Variants in EP400 observed in about 807,000 individuals in gnomAD.
EP400 encodes the protein E1A-binding protein p400.
Under a neutral mutation model 354.1 loss-of-function variants are expected in EP400, and 105 were observed. That is an observed-to-expected ratio of 0.30 (90% CI 0.25 to 0.35). The LOEUF is 0.35. Among genes scored for constraint, EP400 ranks in the 10% least tolerant of loss-of-function variants. EP400 has a pLI of 1.00. For synonymous variants in EP400, 1,646 were observed against 1,716.9 expected (o/e 0.96, Z 1.02); for missense variants, 3,280 against 4,121.0 (o/e 0.80, Z 5.59).
chr12:132,051,596 A>G lies in EP400; in HGVS notation c.7394+941A>G, dbSNP rs142280071. 7.1e-3 allele frequency among the ~76,000 whole-genome samples: 1,089 copies of G among 152,378 alleles called. 35 individuals carry two copies. In the South Asian group the frequency reaches 0.094, roughly 13 times the overall value. On this transcript the variant is annotated intron_variant, in intron 41 of 52. Transcript: ENST00000389561. The stretch of plus-strand genomic sequence containing the variant: ...ACATCTTACATTATTATTTCTGCTT[A>G]TCGGAGACTTTTAGTACTTTCACTA...
intron 52 of EP400, among the ~76,000 whole-genome samples, chr12:132,077,050 G>A (rs934645753): frequency 2.0e-5 from 3 of 152,186 alleles, no homozygotes; most frequent in Non-Finnish European, 4.4e-5. Flanking sequence ...AATGTAAAGC[G>A]GTGCTTTAAA....
Position 132,077,757 on chromosome 12 carries a change from T to C in EP400, c.*84T>C, listed in dbSNP as rs1314013719. 3 of 1,427,596 alleles carry C rather than the reference T, an allele frequency of 2.1e-6. No homozygotes were observed. The highest frequency in any genetic ancestry group is 2.8e-6 in the Non-Finnish European group (3 of 1,077,808). 88.4% of individuals were successfully genotyped at this position (1,427,596 alleles called of 1,614,324 possible). A position where few individuals can be genotyped will look rare whatever the true frequency, so the allele number is the denominator to read the frequency against. ...TTTATTAGTGAACCTTGGGACCATGTCACGCAAGAGATTCAGCACTGGGAA... is the reference window on the plus strand; with the variant it reads ...TTTATTAGTGAACCTTGGGACCATGCCACGCAAGAGATTCAGCACTGGGAA... On this transcript the variant is annotated 3_prime_UTR_variant, in exon 53 of 53. Transcript: ENST00000389561.
At chr12:131,954,800 G>A (rs938836162) in intron 1 of EP400, among the ~76,000 whole-genome samples, 36 of 152,144 alleles carry the variant, frequency 2.4e-4, no homozygotes, top group African/African-American at 8.7e-4. Context: ...GGCTGAGGTG[G>A]GAGGATTGCT....
chr12:132,034,039 G>A (rs1237969909), intron 30 of EP400, among the ~76,000 whole-genome samples: 1 of 152,226 alleles, frequency 6.6e-6, no homozygotes, highest in South Asian at 2.1e-4. Flanking sequence ...TCTGCTTCTT[G>A]AAGAAGGCTC....
At position 132,067,764 on chromosome 12, in the gene EP400, G is replaced by GT. The variant is rs1422940536; in HGVS notation, c.8874+278_8874+279insT. Among the ~76,000 whole-genome samples the GT allele has an allele frequency of 6.6e-6, 1 of 151,716 alleles. No individual in the cohort carries two copies. Among genetic ancestry groups the GT allele is most frequent in the Non-Finnish European group, 1.5e-5 (1 of 67,916 alleles). On this transcript the variant is annotated intron_variant, in intron 50 of 52. Coordinates refer to ENST00000389561, the MANE Select transcript of EP400 (RefSeq NM_015409.5). The surrounding 1 kb of genome is among the most constrained non-coding windows in gnomAD (Gnocchi z 5.3). The stretch of plus-strand genomic sequence containing the variant: ...TGGCTGGGTGCCAGGTAAGAAGCCT[G>GT]CATGGCATTGGGACAGACACAGGGG...
intron 51 of EP400, among the ~76,000 whole-genome samples, chr12:132,072,902 T>C (rs1221874194): frequency 1.3e-5 from 2 of 152,244 alleles, no homozygotes; most frequent in Non-Finnish European, 2.9e-5. Flanking sequence ...TTCAGTAATA[T>C]CTCTGGTCTT....
intron 51 of EP400, among the ~76,000 whole-genome samples, chr12:132,072,322 A>G (rs891802797): frequency 2.0e-5 from 3 of 152,212 alleles, no homozygotes; most frequent in Non-Finnish European, 4.4e-5. Flanking sequence ...CTAACTTGTT[A>G]AGATGGAGTA....
At chr12:132,056,749 G>A (rs1321125948) in intron 45 of EP400, among the ~76,000 whole-genome samples, 4 of 152,282 alleles carry the variant, frequency 2.6e-5, no homozygotes, top group South Asian at 2.1e-4. Context: ...TACGTTAGGC[G>A]TCATCAAAAT....
rs1225581728 is a variant in EP400 at position 132,055,166 on chromosome 12, C to T, written c.7842C>T (p.Ile2614=). The change falls in exon 45 of 53, where the codon ATC becomes ATT. Residue 2614 remains isoleucine, a synonymous_variant. Coordinates refer to ENST00000389561, the MANE Select transcript of EP400 (RefSeq NM_015409.5). ...AGVPAATFQS[I]NKRLASPVAP... Reference sequence around the variant, plus strand: ...TCCCAGCTGCCACCTTCCAGTCCATCAACAAGCGCCTGGCGTCGCCAGTGG... The same window carrying T: ...TCCCAGCTGCCACCTTCCAGTCCATTAACAAGCGCCTGGCGTCGCCAGTGG... The T allele has an allele frequency of 6.3e-7, 1 of 1,595,140 alleles. No homozygotes were observed. The highest frequency in any genetic ancestry group is 8.5e-7 in the Non-Finnish European group (1 of 1,170,454).
In EP400 at chr12:132,037,986, C is replaced by G. The variant is rs149538454; in HGVS notation, c.6097C>G (p.Pro2033Ala). Residue 2033 changes from proline (P) to alanine (A), a missense_variant, in exon 32 of 53, where the codon CCC (proline) becomes GCC (alanine). Transcript: ENST00000389561. ...TIQELFEVYS[P>A]MDDAGFPVKA... The stretch of plus-strand genomic sequence containing the variant: ...CCAGGAGCTGTTTGAAGTTTATTCT[C>G]CCATGGATGATGCTGGCTTCCCGGT... 6.2e-7 allele frequency: 1 copy of G among 1,614,060 alleles called. No homozygotes were observed. The highest frequency in any genetic ancestry group is 8.5e-7 in the Non-Finnish European group (1 of 1,180,032).
intron 2 of EP400, among the ~76,000 whole-genome samples, chr12:131,967,820 C>T (rs1379943464): frequency 6.6e-6 from 1 of 151,916 alleles, no homozygotes; most frequent in Non-Finnish European, 1.5e-5. Flanking sequence ...TTGTTATTGT[C>T]AGTTTTCTTT....
Position 132,053,500 on chromosome 12 carries a change from C to G in EP400, c.7631C>G (p.Pro2544Arg). ...CCAGCAGGGCCACCAGCTGTCCAGC[C>G]CCAACCCCAGCCACAGCCCCAGACC... ...QPPAGPPAVQ[P>R]QPQPQPQTQP... Residue 2544 changes from proline to arginine, a missense_variant, in exon 43 of 53, where the codon CCC (proline) becomes CGC (arginine). This residue lies in a region of EP400 where 255 missense variants were observed against 295.9 expected (regional missense o/e 0.86). Transcript: ENST00000389561. 1 of 1,538,870 alleles carries G rather than the reference C, an allele frequency of 6.5e-7. No individual in the cohort carries two copies. Among genetic ancestry groups the G allele is most frequent in the African/African-American group, 1.4e-5 (1 of 73,248 alleles).
intron 1 of EP400, among the ~76,000 whole-genome samples, chr12:131,959,590 G>C (rs1348199179): frequency 6.6e-6 from 1 of 152,182 alleles, no homozygotes; most frequent in Non-Finnish European, 1.5e-5. Flanking sequence ...CAGCGTTTGG[G>C]TTACAGCTCC....
rs773852160 is a variant in EP400 at position 132,032,157 on chromosome 12, C to G, written c.5951+8C>G. ...AGACATCCACATATACAGGTGAGGGCCTGCGGGGGATAGGATCAGGAGATG... is the reference window on the plus strand; with the variant it reads ...AGACATCCACATATACAGGTGAGGGGCTGCGGGGGATAGGATCAGGAGATG... On this transcript the variant is annotated splice_region_variant and intron_variant, in intron 30 of 52. Coordinates refer to ENST00000389561, the MANE Select transcript of EP400 (RefSeq NM_015409.5). 8 of 1,608,498 alleles carry G rather than the reference C, an allele frequency of 5.0e-6. No individual in the cohort carries two copies. Among genetic ancestry groups the G allele is most frequent in the Non-Finnish European group, 1.7e-6 (2 of 1,176,396 alleles).
chr12:131,964,880 G>T (rs1447197082), intron 2 of EP400, among the ~76,000 whole-genome samples: 1 of 152,184 alleles, frequency 6.6e-6, no homozygotes, highest in African/African-American at 2.4e-5. Flanking sequence ...TTCATCTCTT[G>T]TCTCAAGGAT....
Position 132,066,837 on chromosome 12 carries a change from G to A in EP400, c.8617G>A (p.Ala2873Thr). The A allele has an allele frequency of 6.2e-7, 1 of 1,614,066 alleles. No homozygotes were observed. The highest frequency in any genetic ancestry group is 1.3e-5 in the African/African-American group (1 of 75,050). ...GATGCAGACCCAGGCACCCCAGCCA[G>A]CCCAGGTGGCCTTGGCGAAGCCTCC... is the stretch of plus-strand genomic sequence containing the variant. ...GQMQTQAPQP[A>T]QVALAKPPVV... The change falls in exon 49 of 53, where the codon GCC becomes ACC. Residue 2873 changes from alanine (A) to threonine (T), a missense_variant. Around this residue, in one of 20 missense-constraint regions of EP400, gnomAD observed 279 missense variants for 386.7 expected, o/e 0.72. Coordinates refer to ENST00000389561, the MANE Select transcript of EP400 (RefSeq NM_015409.5).
chr12:132,029,734 A>G lies in EP400; in HGVS notation c.5415A>G (p.Ala1805=). The change falls in exon 28 of 53, where the codon GCA becomes GCG. Residue 1805 remains alanine (A), a synonymous_variant. Coordinates refer to ENST00000389561, the MANE Select transcript of EP400 (RefSeq NM_015409.5). This position sits in a 1 kb window ranked among gnomAD's most constrained non-coding sequence, Gnocchi z 4.7. ...VAFVIPPVVA[A]PPSLRVPRPP... ...TTGTGATTCCTCCGGTGGTGGCAGC[A>G]CCCCCGTCCCTACGGGTGCCGCGGC... 2 of 1,612,552 alleles carry G rather than the reference A, an allele frequency of 1.2e-6. No homozygotes were observed. Among genetic ancestry groups the G allele is most frequent in the East Asian group, 2.2e-5 (1 of 44,848 alleles).
chr12:131,980,284 A>G (rs898362902), intron 3 of EP400, among the ~76,000 whole-genome samples: 2 of 152,156 alleles, frequency 1.3e-5, no homozygotes, highest in African/African-American at 4.8e-5. Context: ...ATACACAAGC[A>G]TTGTTACATA....
In EP400 at chr12:132,004,124, C is replaced by T. The variant is rs573226554; in HGVS notation, c.2828-953C>T. ...AAAGGGGAAATGATGAGGTTGAGGG[C>T]ATTGGATTCCAAAGCCCTTCAGCTT... On this transcript the variant is annotated intron_variant, in intron 12 of 52. Coordinates refer to ENST00000389561, the MANE Select transcript of EP400 (RefSeq NM_015409.5). Among the ~76,000 whole-genome samples, 9 of 152,322 alleles carry T rather than the reference C, an allele frequency of 5.9e-5. No individual in the cohort carries two copies. In the South Asian group the frequency reaches 1.9e-3, roughly 32 times the overall value.
Sources: gnomAD v4.1 joint callset for allele counts (sites outside exome capture counted in the v4.1 genomes callset) on GRCh38, gnomAD v4.1.1 for gene constraint, gnomAD v4.1.1 regional missense constraint, Gnocchi (gnomAD v3.1) non-coding constraint, MANE v1.5 for transcripts, NCBI Gene and HGNC (gene_info 2026-07-23, HGNC 2026-07-21) for gene names.